CHD9: variants seen among roughly 807,000 people sequenced by gnomAD.
CHD9 encodes the protein chromodomain helicase DNA binding protein 9, also known as ATP-dependent chromatin remodeler CHD9.
A neutral mutation model predicts 316.1 loss-of-function variants in CHD9; 77 were observed. The observed-to-expected ratio is 0.24, with a 90% CI of 0.20 to 0.29. The LOEUF is 0.29. Ranked by LOEUF, CHD9 falls within the 10% of genes least tolerant of loss-of-function variation. The pLI is 1.00. For missense variants in CHD9, 2,763 were observed against 3,438.1 expected, an observed-to-expected ratio of 0.80 and a Z score of 4.91; for synonymous variants, 1,129 against 1,158.3, an observed-to-expected ratio of 0.97 and a Z score of 0.51.
At chr16:53,204,423 C>A (rs1284360120) in intron 2 of CHD9, among the ~76,000 whole-genome samples, 2 of 152,184 alleles carry the variant, frequency 1.3e-5, no homozygotes, top group African/African-American at 4.8e-5. Flanking sequence ...TTGCCCAAAT[C>A]TCTTCGCTTC....
At chr16:53,055,123 G>T (rs2031889126) in intron 1 of CHD9, 46 bp downstream of exon 1, 1 of 152,404 alleles carries the variant, frequency 6.6e-6, no homozygotes, top group African/African-American at 2.4e-5. Context: ...CTCTGAGGTC[G>T]GGGTGGACAG....
chr16:53,206,916 TGTAA>T (rs905055628), intron 2 of CHD9, among the ~76,000 whole-genome samples: 8 of 152,214 alleles, frequency 5.3e-5, no homozygotes, highest in Non-Finnish European at 5.9e-5. Flanking sequence ...GTAAGTAGTC[TGTAA>T]GTGTTATCTC....
At position 53,238,511 on chromosome 16, in the gene CHD9, C is replaced by T. The variant is rs186343071; in HGVS notation, c.2802C>T (p.Asn934=). The change falls in exon 12 of 39, where the codon AAC becomes AAT. Residue 934 remains asparagine, a synonymous_variant. Transcript: ENST00000447540. ...AATTTCGTACGTGGACTGATATTAA[C>T]GTTGTGGTTTATCATGGGAGCCTGA... ...EREFRTWTDI[N]VVVYHGSLIS... is the part of the protein sequence containing the mutation. The T allele has an allele frequency of 5.3e-5, 85 of 1,612,902 alleles. No individual in the cohort carries two copies. In the Admixed American group the frequency reaches 1.3e-3, roughly 24 times the overall value.
At position 53,273,751 on chromosome 16, in the gene CHD9, G is replaced by C. The variant is rs1340906440; in HGVS notation, c.4843G>C (p.Gly1615Arg). Residue 1615 changes from glycine (G) to arginine (R), a missense_variant, in exon 23 of 39, where the codon GGC becomes CGC. By Grantham distance (125) the Gly-to-Arg change is moderately radical. Coordinates refer to ENST00000447540, the MANE Select transcript of CHD9 (RefSeq NM_001308319.2). ...TCCCGAGCAGCTCCTTCAAGATGAA[G>C]GCTACAAAAAACATATAAAACACCA... ...YNPEQLLQDE[G>R]YKKHIKHHCN... The C allele has an allele frequency of 6.2e-7, 1 of 1,613,044 alleles. No individual in the cohort carries two copies. The highest frequency in any genetic ancestry group is 8.5e-7 in the Non-Finnish European group (1 of 1,179,482).
intron 2 of CHD9, among the ~76,000 whole-genome samples, chr16:53,187,262 CT>C (rs2044100405): frequency 6.6e-6 from 1 of 152,180 alleles, no homozygotes; most frequent in South Asian, 2.1e-4. Flanking sequence ...AATCCCAGCA[CT>C]TTGGGAGACT....
In CHD9 at chr16:53,273,735, G is replaced by T; in HGVS notation, c.4827G>T (p.Gln1609His). The change falls in exon 23 of 39, where the codon CAG becomes CAT. Residue 1609 changes from glutamine to histidine, a missense_variant. Coordinates refer to ENST00000447540, the MANE Select transcript of CHD9 (RefSeq NM_001308319.2). ...GGCTTCGAAAATATAATCCCGAGCA[G>T]CTCCTTCAAGATGAAGGCTACAAAA... ...AEWLRKYNPE[Q>H]LLQDEGYKKH... 1 of 1,613,292 alleles carries T rather than the reference G, an allele frequency of 6.2e-7. No homozygotes were observed. The highest frequency in any genetic ancestry group is 8.5e-7 in the Non-Finnish European group (1 of 1,179,514).
intron 17 of CHD9, among the ~76,000 whole-genome samples, chr16:53,252,822 G>A (rs1202193084): frequency 2.0e-5 from 3 of 152,080 alleles, no homozygotes; most frequent in Non-Finnish European, 4.4e-5. Context: ...AATGATCAGG[G>A]AAATGCAAAT....
rs1454903416 is a variant in CHD9, at chr16:53,164,782, T to C, written c.1452+7241T>C. Among the ~76,000 whole-genome samples the C allele has an allele frequency of 4.6e-5, 7 of 151,922 alleles. No individual in the cohort carries two copies. The South Asian group carries it at 8.3e-4, about 18-fold the overall frequency. On this transcript the variant is annotated intron_variant, in intron 2 of 38. Transcript: ENST00000447540. ...GATTCTTGTGCCTCAGCCTCCCAGG[T>C]AGCTGGGATTACAGTCATGCACCAC...
intron 10 of CHD9, 78 bp from the exon 11 acceptor site, chr16:53,235,107 T>A (rs925391801): frequency 8.0e-7 from 1 of 1,251,334 alleles, no homozygotes; most frequent in Non-Finnish European, 1.1e-6. Flanking sequence ...TTAGGGTTAT[T>A]TTTAAACCAA....
At chr16:53,174,669 C>A (rs943618219) in intron 2 of CHD9, among the ~76,000 whole-genome samples, 2 of 152,088 alleles carry the variant, frequency 1.3e-5, no homozygotes, top group African/African-American at 4.8e-5. Flanking sequence ...AGTGCAGTGG[C>A]GCGATCATGG....
intron 11 of CHD9, among the ~76,000 whole-genome samples, chr16:53,236,807 C>G (rs1402111972): frequency 6.6e-6 from 1 of 152,112 alleles, no homozygotes; most frequent in Non-Finnish European, 1.5e-5. Flanking sequence ...CAGTGTGACT[C>G]TCTCCTAGCT....
chr16:53,055,545 C>G (rs1206736820), intron 1 of CHD9, among the ~76,000 whole-genome samples: 2 of 150,878 alleles, frequency 1.3e-5, no homozygotes, highest in African/African-American at 4.9e-5. Flanking sequence ...GACTGGACAT[C>G]TGGGTATTAA....
intron 1 of CHD9, among the ~76,000 whole-genome samples, chr16:53,075,439 A>G (rs920804426): frequency 2.6e-5 from 4 of 152,058 alleles, no homozygotes; most frequent in Non-Finnish European, 5.9e-5. Context: ...GGGCGGAATG[A>G]TATGGTTTGG....
chr16:53,208,326 A>C (rs1033870906), intron 2 of CHD9: 1 of 1,282,388 alleles, frequency 7.8e-7, no homozygotes, highest in Non-Finnish European at 1.0e-6. Context: ...AAATGTCTTC[A>C]GTGAAGAGGC....
chr16:53,096,720 T>G (rs771118868), intron 1 of CHD9, among the ~76,000 whole-genome samples: 31 of 152,174 alleles, frequency 2.0e-4, no homozygotes, highest in Non-Finnish European at 3.5e-4. Context: ...CACTTGAAAC[T>G]GGATAATTGA....
At chr16:53,112,770 T>C (rs1312220783) in intron 1 of CHD9, among the ~76,000 whole-genome samples, 1 of 152,118 alleles carries the variant, frequency 6.6e-6, no homozygotes, top group Non-Finnish European at 1.5e-5. Flanking sequence ...TCCCAGCACT[T>C]TGTGAGGCCA....
chr16:53,062,458 T>A (rs2033016065), intron 1 of CHD9, among the ~76,000 whole-genome samples: 2 of 152,156 alleles, frequency 1.3e-5, no homozygotes, highest in African/African-American at 2.4e-5. Context: ...TAAAATATAA[T>A]AGGCCAGGTG....
intron 3 of CHD9, among the ~76,000 whole-genome samples, chr16:53,217,233 C>T (rs1371954737): frequency 6.6e-6 from 1 of 152,024 alleles, no homozygotes; most frequent in African/African-American, 2.4e-5. Flanking sequence ...GTTTGTTGGG[C>T]ATTTTCTCAT....
At chr16:53,220,908 C>T (rs967834987) in intron 3 of CHD9, among the ~76,000 whole-genome samples, 3 of 152,204 alleles carry the variant, frequency 2.0e-5, no homozygotes, top group Admixed American at 6.5e-5. Context: ...ACCTGTTAAA[C>T]TTCTTTTCAT....
Sources: allele counts gnomAD v4.1 joint callset (sites outside exome capture counted in the v4.1 genomes callset), GRCh38; gene constraint gnomAD v4.1.1; transcripts MANE v1.5; gene names NCBI Gene and HGNC (gene_info 2026-07-23, HGNC 2026-07-21).